Variants in TMEM51 observed in about 807,000 individuals in gnomAD.
TMEM51 encodes the protein chromosome 1 open reading frame 72.
A neutral mutation model predicts 13.6 loss-of-function variants in TMEM51; 8 were observed. The ratio of observed to expected loss-of-function variants is 0.59; its 90% CI spans 0.35 to 1.07. The LOEUF (loss-of-function observed/expected upper bound fraction) is 1.07. Among genes scored for constraint, TMEM51 ranks in the 50% least tolerant of loss-of-function variants. The pLI is 0.02. For missense variants in TMEM51, 279 were observed against 330.7 expected (o/e 0.84, Z 1.21); for synonymous variants, 147 against 144.4 (o/e 1.02, Z -0.13).
At chr1:15,182,844 C>A (rs1643662922) in intron 1 of TMEM51, among the ~76,000 whole-genome samples, 1 of 152,182 alleles carries the variant, frequency 6.6e-6, no homozygotes, top group Non-Finnish European at 1.5e-5. Context: ...CCCACTGCAA[C>A]CTCTGCCTCC....
At chr1:15,202,228 G>A (rs1449862892) in intron 1 of TMEM51, among the ~76,000 whole-genome samples, 3 of 152,218 alleles carry the variant, frequency 2.0e-5, no homozygotes, top group Middle Eastern at 3.4e-3. Context: ...AGGAAAGGGC[G>A]CATAATTCAC....
At chr1:15,152,976 C>T (rs570192315), upstream of TMEM51, among the ~76,000 whole-genome samples, 4 of 152,324 alleles carry the variant, frequency 2.6e-5, no homozygotes, top group East Asian at 1.9e-4. Context: ...AGGGCAGGCT[C>T]CCGGTGCAGC....
intron 1 of TMEM51, among the ~76,000 whole-genome samples, chr1:15,186,043 A>C (rs1396794953): frequency 6.6e-6 from 1 of 152,204 alleles, no homozygotes. Context: ...TCCTCCAGCT[A>C]CCTGTGTCCT....
At position 15,219,338 on chromosome 1, in the gene TMEM51, A is replaced by C. The variant is rs374735367; in HGVS notation, c.357A>C (p.Glu119Asp). The C allele has an allele frequency of 1.1e-5, 18 of 1,581,640 alleles. No homozygotes were observed. In the African/African-American group the frequency reaches 2.4e-4, roughly 21 times the overall value. Residue 119 changes from glutamate to aspartate, a missense_variant, in exon 4 of 4, where the codon GAA becomes GAC. Glu to Asp is a conservative substitution (Grantham distance 45). Transcript: ENST00000376008. The part of the protein sequence containing the change: ...HAQEEDSQEE[E>D]EEDEEAASRY... Reference sequence around the variant, plus strand: ...TGTCTTCTTGCAGCCAGGAGGAAGAAGAGGAGGATGAGGAGGCTGCCTCAA... The same window carrying C: ...TGTCTTCTTGCAGCCAGGAGGAAGACGAGGAGGATGAGGAGGCTGCCTCAA...
chr1:15,171,275 G>T, intron 1 of TMEM51: 2 of 1,304,226 alleles, frequency 1.5e-6, no homozygotes, highest in Non-Finnish European at 2.0e-6. Context: ...GTGGATGACG[G>T]CATCCTTCCA....
chr1:15,161,117 G>A lies in TMEM51; in HGVS notation c.-267+7163G>A, dbSNP rs563881018. On this transcript the variant is annotated intron_variant, in intron 1 of 3. Transcript: ENST00000376008. The surrounding 1 kb of genome is among the most constrained non-coding windows in gnomAD (Gnocchi z 4.0). The stretch of plus-strand genomic sequence containing the variant: ...AGGCCTCAAGGTGTAAAAGAGCTTC[G>A]TTAACACAGGCCAATACTGAGTGTA... 1.8e-4 allele frequency among the ~76,000 whole-genome samples: 28 copies of A among 152,240 alleles called. 2 individuals are homozygous for A. Among genetic ancestry groups the A allele is most frequent in the Middle Eastern group, 3.4e-3 (1 of 294 alleles).
At chr1:15,179,224 TAG>T (rs1573400674) in intron 1 of TMEM51, among the ~76,000 whole-genome samples, 1 of 152,154 alleles carries the variant, frequency 6.6e-6, no homozygotes, top group Non-Finnish European at 1.5e-5. Context: ...TGGGTATTTA[TAG>T]AGAGAAAGGC....
chr1:15,184,604 C>A (rs937774542), intron 1 of TMEM51, among the ~76,000 whole-genome samples: 1 of 152,096 alleles, frequency 6.6e-6, no homozygotes, highest in African/African-American at 2.4e-5. Context: ...AAACTGATAT[C>A]GTTGTCCAGG....
chr1:15,166,335 C>A (rs988204921), intron 1 of TMEM51, among the ~76,000 whole-genome samples: 1 of 152,062 alleles, frequency 6.6e-6, no homozygotes, highest in African/African-American at 2.4e-5. Flanking sequence ...CTTCAAACTT[C>A]GAGTATCTGG....
chr1:15,198,372 A>T (rs1306504304), intron 1 of TMEM51, among the ~76,000 whole-genome samples: 2 of 152,176 alleles, frequency 1.3e-5, no homozygotes, highest in Non-Finnish European at 2.9e-5. Context: ...CTTACTATGG[A>T]GGAAGGGGAA....
At chr1:15,212,569 C>T (rs10927727) in intron 2 of TMEM51, among the ~76,000 whole-genome samples, 23,411 of 152,222 alleles carry the variant, frequency 0.15, 1,967 homozygotes, top group East Asian at 0.3. Context: ...GCACAACCCC[C>T]TGGCTGTGTA....
intron 1 of TMEM51, among the ~76,000 whole-genome samples, chr1:15,167,168 A>C (rs1643037796): frequency 6.6e-6 from 1 of 151,984 alleles, no homozygotes; most frequent in Admixed American, 6.6e-5. Flanking sequence ...TCTCCTAAAA[A>C]AACAAAAAAT....
At chr1:15,189,827 G>C (rs2100267062) in intron 1 of TMEM51, among the ~76,000 whole-genome samples, 2 of 152,372 alleles carry the variant, frequency 1.3e-5, no homozygotes, top group South Asian at 4.1e-4. Flanking sequence ...AGCCCAGAGA[G>C]GGCAAAGTTC....
intron 1 of TMEM51, among the ~76,000 whole-genome samples, chr1:15,183,010 G>A (rs1985417): frequency 0.42 from 64,472 of 152,012 alleles, 14,693 homozygotes; most frequent in East Asian, 0.87. Flanking sequence ...TGATCCTCCC[G>A]CCTCAACCTT....
chr1:15,156,018 G>A (rs1642580772), intron 1 of TMEM51, among the ~76,000 whole-genome samples: 1 of 152,146 alleles, frequency 6.6e-6, no homozygotes, highest in Non-Finnish European at 1.5e-5. Flanking sequence ...AATGAATGGG[G>A]GAGCTGGAGG....
intron 3 of TMEM51, among the ~76,000 whole-genome samples, chr1:15,216,605 C>G (rs1254792551): frequency 3.3e-5 from 5 of 152,030 alleles, no homozygotes; most frequent in African/African-American, 1.2e-4. Flanking sequence ...GCGTATTGAT[C>G]CTATTTATAA....
At chr1:15,171,102 T>TCCCCCCC in intron 1 of TMEM51, 1 of 692,844 alleles carries the variant, frequency 1.4e-6, no homozygotes, top group Non-Finnish European at 2.2e-6. Flanking sequence ...TCCCTCCTCC[T>TCCCCCCC]CCACCCCCCG....
At chr1:15,190,159 A>G (rs1643896727) in intron 1 of TMEM51, among the ~76,000 whole-genome samples, 1 of 152,126 alleles carries the variant, frequency 6.6e-6, no homozygotes, top group South Asian at 2.1e-4. Flanking sequence ...GGTTCAGAGG[A>G]TGGACTCTGG....
intron 1 of TMEM51, chr1:15,191,932 C>T (rs546882870): frequency 5.3e-5 from 28 of 531,812 alleles, no homozygotes; most frequent in African/African-American, 7.8e-5. Context: ...AAGTTGTAGG[C>T]GTCTATTTAG....
Sources: allele counts gnomAD v4.1 joint callset (sites outside exome capture counted in the v4.1 genomes callset), GRCh38; gene constraint gnomAD v4.1.1; non-coding constraint Gnocchi (gnomAD v3.1); transcripts MANE v1.5; gene names NCBI Gene and HGNC (gene_info 2026-07-23, HGNC 2026-07-21).